TMC5: variants seen among roughly 807,000 people sequenced by gnomAD.
TMC5 encodes transmembrane channel like 5.
TMC5 carries 86 observed loss-of-function variants against 110.5 expected under a neutral mutation model. That is an observed-to-expected ratio of 0.78 (90% CI 0.65 to 0.93). The LOEUF is 0.93. Among genes scored for constraint, TMC5 ranks in the 40% least tolerant of loss-of-function variants. TMC5 has a pLI of 0.00. For missense variants in TMC5, 1,144 were observed against 1,222.8 expected, an observed-to-expected ratio of 0.94 and a Z score of 0.96; for synonymous variants, 455 against 439.5, an observed-to-expected ratio of 1.04 and a Z score of -0.44.
chr16:19,456,900 A>T, intron 5 of TMC5: 9 of 1,614,208 alleles, frequency 5.6e-6, no homozygotes, highest in Non-Finnish European at 7.6e-6. Context: ...AATGACCAAA[A>T]GGGTAACCAG....
chr16:19,460,249 G>T lies in TMC5; in HGVS notation c.1063G>T (p.Ala355Ser), dbSNP rs36019638. 2 of 1,610,866 alleles carry T rather than the reference G, an allele frequency of 1.2e-6. No individual in the cohort carries two copies. The highest frequency in any genetic ancestry group is 1.1e-5 in the South Asian group (1 of 90,752). Reference sequence around the variant, plus strand: ...TTCTTTCATAGGACAGAAGTTAATCGCATCCCTTATACCCATGACATCCAG... The same window carrying T: ...TTCTTTCATAGGACAGAAGTTAATCTCATCCCTTATACCCATGACATCCAG... ...HKSPQGQKLIASLIPMTSRDR... is the reference protein window; with the variant it reads ...HKSPQGQKLISSLIPMTSRDR... The change falls in exon 6 of 22, where the codon GCA (alanine) becomes TCA (serine). Residue 355 changes from alanine (A) to serine (S), a missense_variant. Coordinates refer to ENST00000542583, the MANE Select transcript of TMC5 (RefSeq NM_001261841.2).
At position 19,440,747 on chromosome 16, in the gene TMC5, A is replaced by C. The variant is rs1021796637; in HGVS notation, c.709A>C (p.Thr237Pro). The change falls in exon 3 of 22, where the codon ACT becomes CCT. Residue 237 changes from threonine (T) to proline (P), a missense_variant. Coordinates refer to ENST00000542583, the MANE Select transcript of TMC5 (RefSeq NM_001261841.2). ...TGAGGACAATCAGAACTTGCCAAGCACTTGGAGAGAACCTGATTATTCAGA... is the reference window on the plus strand; with the variant it reads ...TGAGGACAATCAGAACTTGCCAAGCCCTTGGAGAGAACCTGATTATTCAGA... Reference protein sequence around the residue: ...SAEDNQNLPSTWREPDYSDAE... With the variant: ...SAEDNQNLPSPWREPDYSDAE... The C allele has an allele frequency of 6.2e-7, 1 of 1,614,158 alleles. No homozygotes were observed. The highest frequency in any genetic ancestry group is 1.7e-5 in the Admixed American group (1 of 60,020).
chr16:19,458,266 A>G (rs1967937562), intron 5 of TMC5, among the ~76,000 whole-genome samples: 1 of 152,184 alleles, frequency 6.6e-6, no homozygotes, highest in African/African-American at 2.4e-5. Context: ...GCTGAAGTGC[A>G]ATGGCATGAT....
chr16:19,449,578 A>C lies in TMC5; in HGVS notation c.995A>C (p.His332Pro). The C allele has an allele frequency of 6.2e-7, 1 of 1,614,110 alleles. No homozygotes were observed. The highest frequency in any genetic ancestry group is 8.5e-7 in the Non-Finnish European group (1 of 1,180,022). Residue 332 changes from histidine to proline, a missense_variant, in exon 5 of 22, where the codon CAT (histidine) becomes CCT (proline). Physicochemically the swap from His to Pro is moderately conservative, Grantham distance 77. Coordinates refer to ENST00000542583, the MANE Select transcript of TMC5 (RefSeq NM_001261841.2). Reference sequence around the variant, plus strand: ...TATGTAGGTGAAAGTGGTCCTGTCCATGCTTATGGAAACCCACCATTGTCT... The same window carrying C: ...TATGTAGGTGAAAGTGGTCCTGTCCCTGCTTATGGAAACCCACCATTGTCT... ...PAYVGESGPV[H>P]AYGNPPLSEC...
Position 19,490,381 on chromosome 16 carries a change from C to T in TMC5, c.2574-14C>T, listed in dbSNP as rs1567327407. ...TCTTGTGCTAGAGATGTTCTTCCAT[C>T]TTTGTTTTACCAGATTGAAGCCTTC... On this transcript the variant is annotated splice_polypyrimidine_tract_variant and intron_variant, in intron 17 of 21. Coordinates refer to ENST00000542583, the MANE Select transcript of TMC5 (RefSeq NM_001261841.2). The T allele has an allele frequency of 1.2e-6, 2 of 1,613,720 alleles. No homozygotes were observed. Among genetic ancestry groups the T allele is most frequent in the Non-Finnish European group, 1.7e-6 (2 of 1,179,766 alleles).
intron 1 of TMC5, among the ~76,000 whole-genome samples, chr16:19,428,308 C>CTTTT (rs34374548): frequency 3.0e-5 from 4 of 131,506 alleles, no homozygotes; most frequent in Non-Finnish European, 4.9e-5. Context: ...TTTCCCAATT[C>CTTTT]TTTTTTTTTT....
intron 2 of TMC5, among the ~76,000 whole-genome samples, chr16:19,434,055 A>T (rs58012530): frequency 2.6e-4 from 1 of 3,852 alleles, no homozygotes; most frequent in East Asian, 8.2e-3. Context: ...AATATATATA[A>T]TATAAATCTA....
chr16:19,450,410 G>T (rs1967721858), intron 5 of TMC5, among the ~76,000 whole-genome samples: 1 of 152,168 alleles, frequency 6.6e-6, no homozygotes, highest in African/African-American at 2.4e-5. Flanking sequence ...CAGAAATCAG[G>T]ACCTCAGTCT....
At chr16:19,471,631 T>C (rs1968344543) in intron 10 of TMC5, among the ~76,000 whole-genome samples, 1 of 152,214 alleles carries the variant, frequency 6.6e-6, no homozygotes, top group Admixed American at 6.5e-5. Context: ...GTTCCCCCTC[T>C]CTCTCACCTG....
intron 4 of TMC5, among the ~76,000 whole-genome samples, chr16:19,447,561 G>T (rs1295249619): frequency 6.6e-6 from 1 of 152,060 alleles, no homozygotes; most frequent in Non-Finnish European, 1.5e-5. Flanking sequence ...ACAATCCTAT[G>T]TGAAGGTCCT....
Position 19,460,327 on chromosome 16 carries a change from A to C in TMC5, c.1141A>C (p.Asn381His), listed in dbSNP as rs1567312095. The change falls in exon 6 of 22, where the codon AAC becomes CAC. Residue 381 changes from asparagine to histidine, a missense_variant. Physicochemically the swap from Asn to His is moderately conservative, Grantham distance 68 (BLOSUM62 1). Transcript: ENST00000542583. ...NQPRTMEEKRNLRKIVDKEKS... is the reference protein window; with the variant it reads ...NQPRTMEEKRHLRKIVDKEKS... ...GCCAAGGACCATGGAAGAGAAAAGG[A>C]ACCTTAGGTATGGACTAAAGGCTTT... The C allele has an allele frequency of 6.2e-7, 1 of 1,611,620 alleles. No homozygotes were observed. The highest frequency in any genetic ancestry group is 8.5e-7 in the Non-Finnish European group (1 of 1,177,990).
At chr16:19,486,859 C>A in intron 15 of TMC5, 86 bp from the exon 16 acceptor site, 1 of 1,217,770 alleles carries the variant, frequency 8.2e-7, no homozygotes, top group Non-Finnish European at 1.2e-6. Context: ...ACAATATCTT[C>A]TTTCTCTTCC....
At chr16:19,444,794 A>G (rs1385480487) in intron 4 of TMC5, among the ~76,000 whole-genome samples, 1 of 152,196 alleles carries the variant, frequency 6.6e-6, no homozygotes, top group Non-Finnish European at 1.5e-5. Context: ...CTCTGCCCTC[A>G]TGTTATTTAA....
intron 17 of TMC5, among the ~76,000 whole-genome samples, chr16:19,489,903 C>T (rs1470835086): frequency 1.3e-5 from 2 of 151,938 alleles, no homozygotes; most frequent in Non-Finnish European, 2.9e-5. Flanking sequence ...ATCCTCCCAC[C>T]TCAGCCTCCT....
intron 6 of TMC5, among the ~76,000 whole-genome samples, chr16:19,462,848 C>T (rs1968060116): frequency 6.6e-6 from 1 of 150,936 alleles, no homozygotes; most frequent in South Asian, 2.1e-4. Context: ...CAGTGAGCCG[C>T]CATCAGGCCA....
chr16:19,443,740 AGATGGATGGATGAATGTATGTATGGTTG>A (rs1168361539), intron 3 of TMC5, among the ~76,000 whole-genome samples: 9 of 152,178 alleles, frequency 5.9e-5, no homozygotes, highest in African/African-American at 1.9e-4. Context: ...ATGGACGGAT[AGATGGATGGATGAATGTATGTATGGTTG>A]GATGGATGGA....
intron 5 of TMC5, among the ~76,000 whole-genome samples, chr16:19,459,238 G>A (rs1254030617): frequency 2.6e-5 from 4 of 152,098 alleles, no homozygotes; most frequent in Non-Finnish European, 5.9e-5. Flanking sequence ...CCACCTCAAG[G>A]AAGCTCAGGG....
intron 1 of TMC5, among the ~76,000 whole-genome samples, chr16:19,423,939 A>C (rs1285277178): frequency 6.6e-6 from 1 of 152,126 alleles, no homozygotes; most frequent in Non-Finnish European, 1.5e-5. Flanking sequence ...TTTTTAGTAG[A>C]GACAGGGTTT....
intron 2 of TMC5, among the ~76,000 whole-genome samples, chr16:19,436,362 G>A (rs1189267155): frequency 6.6e-6 from 1 of 151,592 alleles, no homozygotes; most frequent in Non-Finnish European, 1.5e-5. Flanking sequence ...TTTATTTTGG[G>A]CCAATACAGC....
Sources: allele counts gnomAD v4.1 joint callset (sites outside exome capture counted in the v4.1 genomes callset), GRCh38; gene constraint gnomAD v4.1.1; transcripts MANE v1.5; gene names NCBI Gene and HGNC (gene_info 2026-07-23, HGNC 2026-07-21).